The following ACTR3B variants were observed in gnomAD, a reference collection of about 807,000 sequenced individuals.
The protein encoded by ACTR3B is actin related protein 3B, also known as actin-related protein 3B.
In ACTR3B, 8 loss-of-function variants were observed where a neutral mutation model predicts 59.0. The ratio of observed to expected loss-of-function variants is 0.14; its 90% CI spans 0.08 to 0.24. The LOEUF (loss-of-function observed/expected upper bound fraction) is 0.24, where lower values mean the gene tolerates loss of function less well. ACTR3B is among the 10% of genes least tolerant of loss of function. The pLI is 1.00. For synonymous variants in ACTR3B, 148 were observed against 197.9 expected (o/e 0.75, Z 2.12); for missense variants, 245 against 552.3 (o/e 0.44, Z 5.58).
chr7:152,831,337 C>T (rs941004825), intron 9 of ACTR3B, among the ~76,000 whole-genome samples: 32 of 152,234 alleles, frequency 2.1e-4, no homozygotes, highest in Admixed American at 5.2e-4. Context: ...CCACTGCGGG[C>T]GCTGAGCAGC....
At chr7:152,790,185 G>T (rs1364576281) in intron 2 of ACTR3B, among the ~76,000 whole-genome samples, 2 of 152,102 alleles carry the variant, frequency 1.3e-5, no homozygotes, top group East Asian at 3.8e-4. Flanking sequence ...TAGAGATGGG[G>T]TCTCATTATA....
chr7:152,801,881 A>C (rs2098237749), intron 4 of ACTR3B, 150 bp downstream of exon 4: 1 of 542,200 alleles, frequency 1.8e-6, no homozygotes, highest in South Asian at 2.5e-5. Flanking sequence ...AAGCTCAATA[A>C]AAATGTTCAG....
At chr7:152,792,656 G>C (rs1016739088) in intron 2 of ACTR3B, among the ~76,000 whole-genome samples, 51 of 152,212 alleles carry the variant, frequency 3.4e-4, no homozygotes, top group African/African-American at 1.0e-3. Context: ...GCTGAGGCAG[G>C]AGAATTGCTT....
intron 2 of ACTR3B, among the ~76,000 whole-genome samples, chr7:152,796,122 G>T (rs2098215834): frequency 1.3e-5 from 2 of 152,190 alleles, no homozygotes; most frequent in Admixed American, 1.3e-4. Context: ...TGGGATAACA[G>T]GCGTGAGCCA....
chr7:152,781,200 T>G (rs901401019), intron 1 of ACTR3B, among the ~76,000 whole-genome samples: 4 of 149,516 alleles, frequency 2.7e-5, no homozygotes, highest in African/African-American at 7.4e-5. Context: ...GTGGTTTTTT[T>G]TTTTTTTTTT....
intron 9 of ACTR3B, among the ~76,000 whole-genome samples, chr7:152,834,412 C>T (rs1316553951): frequency 6.6e-6 from 1 of 152,192 alleles, no homozygotes; most frequent in Admixed American, 6.5e-5. Flanking sequence ...CCTCGGCCTC[C>T]CGAAGTGCTG....
In ACTR3B at chr7:152,823,453, A is replaced by G; in HGVS notation, c.796A>G (p.Lys266Glu). 6.2e-7 allele frequency: 1 copy of G among 1,614,192 alleles called. No individual in the cohort carries two copies. The highest frequency in any genetic ancestry group is 1.1e-5 in the South Asian group (1 of 91,084). Residue 266 changes from lysine to glutamate, a missense_variant, in exon 8 of 12, where the codon AAG becomes GAG. Coordinates refer to ENST00000256001, the MANE Select transcript of ACTR3B (RefSeq NM_020445.6). Reference sequence around the variant, plus strand: ...GGGTATCAATGCGATCAACCAGAAGAAGTTTGTTATAGACGTTGGTTACGA... The same window carrying G: ...GGGTATCAATGCGATCAACCAGAAGGAGTTTGTTATAGACGTTGGTTACGA... ...YTGINAINQK[K>E]FVIDVGYERF...
rs1237676833 is a variant in ACTR3B, at chr7:152,824,809, T to A, written c.859-221T>A. On this transcript the variant is annotated intron_variant, in intron 8 of 11. Transcript: ENST00000256001. This position sits in a 1 kb window ranked among gnomAD's most constrained non-coding sequence, Gnocchi z 4.2. ...CTGTGATGTTGTTGGTATTTTTTCT[T>A]CACTAAATCCATACATTTTACCTCA... is the stretch of plus-strand genomic sequence containing the variant. Among the ~76,000 whole-genome samples the A allele has an allele frequency of 6.6e-6, 1 of 152,198 alleles. No individual in the cohort carries two copies. The highest frequency in any genetic ancestry group is 1.5e-5 in the Non-Finnish European group (1 of 68,036).
At chr7:152,796,860 G>GTTTTTTTTT (rs779909545) in intron 2 of ACTR3B, among the ~76,000 whole-genome samples, 6 of 54,750 alleles carry the variant, frequency 1.1e-4, no homozygotes, top group African/African-American at 2.1e-4. Flanking sequence ...TAGTTTTTGT[G>GTTTTTTTTT]TTTTTTTTTT....
At chr7:152,812,508 A>G (rs1164316180) in intron 4 of ACTR3B, 3 of 138,156 alleles carry the variant, frequency 2.2e-5, no homozygotes, top group Non-Finnish European at 4.8e-5. Context: ...AAGGATATAT[A>G]TTTTTTCTCC....
chr7:152,848,177 C>T (rs576693787), intron 9 of ACTR3B, among the ~76,000 whole-genome samples: 9 of 152,328 alleles, frequency 5.9e-5, no homozygotes, highest in South Asian at 2.1e-4. Flanking sequence ...AGCAGACCCG[C>T]GTCTTCGACA....
chr7:152,854,766 C>CCCTCCTCACCCTCGCTCTCCCT lies in ACTR3B; in HGVS notation c.*221_*242dup, dbSNP rs1194203382. 1.1e-5 allele frequency: 6 copies of CCCTCCTCACCCTCGCTCTCCCT among 522,092 alleles called. No individual in the cohort carries two copies. The highest frequency in any genetic ancestry group is 1.9e-5 in the African/African-American group (1 of 51,854). The allele number at this position is 522,092 out of a possible 1,614,324, so 32.3% of individuals were successfully genotyped here. A position where few individuals can be genotyped will look rare whatever the true frequency, so the allele number is the denominator to read the frequency against. ...GTCTGCCAGCCTCCTCCTTCTCCCG[C>CCCTCCTCACCCTCGCTCTCCCT]CCTCCTCACCCTCGCTCTCCCTCCT... On this transcript the variant is annotated 3_prime_UTR_variant, in exon 12 of 12. Transcript: ENST00000256001. This position sits in a 1 kb window ranked among gnomAD's most constrained non-coding sequence, Gnocchi z 4.9.
chr7:152,795,717 A>G (rs931117219), intron 2 of ACTR3B, among the ~76,000 whole-genome samples: 2 of 152,166 alleles, frequency 1.3e-5, no homozygotes, highest in African/African-American at 2.4e-5. Flanking sequence ...TCTACCATCC[A>G]TGGTTAACCA....
At chr7:152,823,697 G>A (rs949071901) in intron 8 of ACTR3B, among the ~76,000 whole-genome samples, 182 bp downstream of exon 8, 4 of 152,102 alleles carry the variant, frequency 2.6e-5, no homozygotes, top group African/African-American at 9.7e-5. Context: ...CCGTAGAGCT[G>A]GTTATCTGTT....
At chr7:152,779,852 G>C (rs1219253457) in intron 1 of ACTR3B, among the ~76,000 whole-genome samples, 1 of 152,150 alleles carries the variant, frequency 6.6e-6, no homozygotes, top group Non-Finnish European at 1.5e-5. Context: ...CTCAGATTTT[G>C]TTTGATGTTT....
At position 152,825,093 on chromosome 7, in the gene ACTR3B, C is replaced by A; in HGVS notation, c.922C>A (p.Pro308Thr). The A allele has an allele frequency of 6.2e-7, 1 of 1,613,742 alleles. No homozygotes were observed. Among genetic ancestry groups the A allele is most frequent in the Non-Finnish European group, 8.5e-7 (1 of 1,179,794 alleles). The change falls in exon 9 of 12, where the codon CCC becomes ACC. Residue 308 changes from proline to threonine, a missense_variant. Physicochemically the swap from Pro to Thr is conservative, Grantham distance 38. This residue lies in a region of ACTR3B where 153 missense variants were observed against 266.2 expected (regional missense o/e 0.57). Transcript: ENST00000256001. The part of the protein sequence containing the change: ...DVVDEVIQNC[P>T]IDVRRPLYKN... ...TGTTGATGAAGTAATACAGAACTGC[C>A]CCATCGATGTGCGGCGCCCGCTGTA...
chr7:152,833,950 G>A (rs1237844511), intron 9 of ACTR3B, among the ~76,000 whole-genome samples: 1 of 152,140 alleles, frequency 6.6e-6, no homozygotes, highest in African/African-American at 2.4e-5. Context: ...CTGACCCCGG[G>A]TGGGAAGCAA....
chr7:152,842,580 G>C (rs1204523909), intron 9 of ACTR3B, among the ~76,000 whole-genome samples: 1 of 152,110 alleles, frequency 6.6e-6, no homozygotes, highest in East Asian at 1.9e-4. Flanking sequence ...CTCTGTTTCC[G>C]GCTTCCTTCA....
chr7:152,851,083 A>G (rs1798766446), intron 9 of ACTR3B, among the ~76,000 whole-genome samples: 1 of 152,234 alleles, frequency 6.6e-6, no homozygotes, highest in African/African-American at 2.4e-5. Flanking sequence ...TGAAACTGCA[A>G]ATAGTACCGA....
Sources: allele counts gnomAD v4.1 joint callset (sites outside exome capture counted in the v4.1 genomes callset), GRCh38; gene constraint gnomAD v4.1.1; regional missense constraint gnomAD v4.1.1; non-coding constraint Gnocchi (gnomAD v3.1); transcripts MANE v1.5; gene names NCBI Gene and HGNC (gene_info 2026-07-23, HGNC 2026-07-21).